Variants in LRRC37A3 observed in about 807,000 individuals in gnomAD.
LRRC37A3 encodes leucine rich repeat containing 37 member A3.
LRRC37A3 carries 25 observed loss-of-function variants against 106.2 expected under a neutral mutation model. That is an observed-to-expected ratio of 0.24 (90% CI 0.17 to 0.33). The LOEUF is 0.33. Among genes scored for constraint, LRRC37A3 ranks in the 10% least tolerant of loss-of-function variants. LRRC37A3 has a pLI of 1.00. For synonymous variants in LRRC37A3, 305 were observed against 635.8 expected, an observed-to-expected ratio of 0.48 and a Z score of 7.83; for missense variants, 712 against 1,644.9, an observed-to-expected ratio of 0.43 and a Z score of 9.81.
chr17:64,881,527 A>C (rs1370035273), intron 8 of LRRC37A3, among the ~76,000 whole-genome samples: 2 of 129,724 alleles, frequency 1.5e-5, no homozygotes, highest in Non-Finnish European at 3.2e-5. Context: ...AGATTACAGC[A>C]TGAGACACCA....
chr17:64,869,351 T>C (rs1295077284), intron 8 of LRRC37A3, among the ~76,000 whole-genome samples, 185 bp from the exon 9 acceptor site: 2 of 151,778 alleles, frequency 1.3e-5, no homozygotes, highest in African/African-American at 4.9e-5. Flanking sequence ...CCGAGGTCTC[T>C]AGAAGATAAA....
chr17:64,910,921 C>T (rs1469533519), intron 2 of LRRC37A3, among the ~76,000 whole-genome samples: 3 of 151,300 alleles, frequency 2.0e-5, no homozygotes, highest in African/African-American at 4.9e-5. Context: ...GGATTACAGG[C>T]GTGAGCCACC....
In LRRC37A3 at chr17:64,918,986, C is replaced by G. The variant is rs1186027425; in HGVS notation, c.-616-116G>C. 6 of 1,207,846 alleles carry G rather than the reference C, an allele frequency of 5.0e-6. No individual in the cohort carries two copies. In the East Asian group the frequency reaches 9.8e-5, roughly 20 times the overall value. The allele number at this position is 1,207,846 out of a possible 1,614,324, so 74.8% of individuals were successfully genotyped here. A position where few individuals can be genotyped will look rare whatever the true frequency, so the allele number is the denominator to read the frequency against. On this transcript the variant is annotated intron_variant, in intron 1 of 14. Transcript: ENST00000584306. ...CCGGGCCAGGTGGCTGCCCCCGCCT[C>G]CCCCCGGCCGGGGCGCTGGTGCTGG...
At chr17:64,870,062 C>T (rs939751487) in intron 8 of LRRC37A3, among the ~76,000 whole-genome samples, 105 of 148,814 alleles carry the variant, frequency 7.1e-4, no homozygotes, top group Non-Finnish European at 1.4e-3. Flanking sequence ...GGACTATGAG[C>T]GCTTTGAGGG....
At chr17:64,900,067 GCT>G (rs1440998412) in intron 2 of LRRC37A3, 2 of 149,384 alleles carry the variant, frequency 1.3e-5, no homozygotes, top group African/African-American at 2.5e-5. Flanking sequence ...AGAGTGTCTT[GCT>G]CTGTCACCCA....
chr17:64,863,154 C>A, intron 10 of LRRC37A3, 136 bp from the exon 11 acceptor site: 1 of 1,180,750 alleles, frequency 8.5e-7, no homozygotes, highest in South Asian at 1.3e-5. Flanking sequence ...GGGTAGGAAC[C>A]AGAAGGCCAA....
intron 8 of LRRC37A3, among the ~76,000 whole-genome samples, chr17:64,878,595 A>G (rs1304502222): frequency 1.3e-5 from 2 of 152,264 alleles, no homozygotes; most frequent in East Asian, 3.8e-4. Context: ...AATGTCTTAA[A>G]TCATTAGGGA....
At chr17:64,884,596 C>T (rs1157118964) in intron 8 of LRRC37A3, among the ~76,000 whole-genome samples, 1 of 148,288 alleles carries the variant, frequency 6.7e-6, no homozygotes, top group Non-Finnish European at 1.5e-5. Flanking sequence ...AACTCCTGAC[C>T]TCAGGTGATC....
chr17:64,872,639 T>A (rs1973361691), intron 8 of LRRC37A3, among the ~76,000 whole-genome samples: 1 of 151,958 alleles, frequency 6.6e-6, no homozygotes, highest in Non-Finnish European at 1.5e-5. Context: ...TGAATAACAG[T>A]TTGGGGGAAA....
intron 13 of LRRC37A3, among the ~76,000 whole-genome samples, chr17:64,858,160 T>A (rs1226788977): frequency 6.6e-6 from 1 of 152,182 alleles, no homozygotes; most frequent in Admixed American, 6.5e-5. Flanking sequence ...TGGTGACACA[T>A]CTCACAGAGG....
chr17:64,874,801 A>G (rs986619630), intron 8 of LRRC37A3, among the ~76,000 whole-genome samples: 24 of 152,104 alleles, frequency 1.6e-4, no homozygotes, highest in African/African-American at 5.8e-4. Flanking sequence ...CTTACCCCCA[A>G]CCCAGTGCTC....
chr17:64,875,093 A>T (rs986727214), intron 8 of LRRC37A3, among the ~76,000 whole-genome samples: 3 of 151,972 alleles, frequency 2.0e-5, no homozygotes, highest in African/African-American at 4.8e-5. Context: ...AATGATCAAT[A>T]AAAAAAATTA....
chr17:64,861,033 C>G, intron 11 of LRRC37A3, 60 bp from the exon 12 acceptor site: 1 of 1,610,434 alleles, frequency 6.2e-7, no homozygotes, highest in Admixed American at 1.7e-5. Flanking sequence ...ATGCATCAGT[C>G]CATAGCTGTA....
chr17:64,917,869 G>C (rs1260242784), intron 2 of LRRC37A3, among the ~76,000 whole-genome samples: 2 of 147,442 alleles, frequency 1.4e-5, no homozygotes, highest in Non-Finnish European at 2.9e-5. Flanking sequence ...TCAGGAGGCT[G>C]AGACAGGAGA....
chr17:64,919,057 C>T (rs1040922976), intron 1 of LRRC37A3, among the ~76,000 whole-genome samples, 187 bp from the exon 2 acceptor site: 10 of 150,074 alleles, frequency 6.7e-5, no homozygotes, highest in East Asian at 2.0e-4. Flanking sequence ...ACTGCTGCCC[C>T]CCCTGGGCGA....
Position 64,860,832 on chromosome 17 carries a change from C to T in LRRC37A3, c.3314G>A (p.Ser1105Asn), listed in dbSNP as rs1972844333. Residue 1105 changes from serine (S) to asparagine (N), a missense_variant, in exon 12 of 15, where the codon AGT (serine) becomes AAT (asparagine). Coordinates refer to ENST00000584306, the MANE Select transcript of LRRC37A3 (RefSeq NM_199340.5). ...SSGINLSGFG[S>N]EQLDTNDESD... is the part of the protein sequence containing the mutation. ...CTCGTCATTGGTGTCTAGCTGCTCA[C>T]TCCCAAAGCCTGACAAGTTGATGCC... 6.2e-7 allele frequency: 1 copy of T among 1,614,226 alleles called. No individual in the cohort carries two copies. Among genetic ancestry groups the T allele is most frequent in the South Asian group, 1.1e-5 (1 of 91,090 alleles).
chr17:64,913,084 A>G (rs958578328), intron 2 of LRRC37A3, among the ~76,000 whole-genome samples: 10 of 149,842 alleles, frequency 6.7e-5, no homozygotes, highest in Non-Finnish European at 1.3e-4. Context: ...GCTAGAGTGC[A>G]ATGGCATGAT....
intron 2 of LRRC37A3, chr17:64,909,825 G>A (rs1974545052): frequency 6.6e-6 from 1 of 152,116 alleles, no homozygotes; most frequent in African/African-American, 2.4e-5. Context: ...GAAAAATGGA[G>A]AACCAAAGAA....
At chr17:64,872,370 T>A (rs1265667177) in intron 8 of LRRC37A3, among the ~76,000 whole-genome samples, 1 of 152,150 alleles carries the variant, frequency 6.6e-6, no homozygotes, top group Non-Finnish European at 1.5e-5. Context: ...CCTCACTCTC[T>A]AGCTCAGTAG....
Sources: gnomAD v4.1 joint callset for allele counts (sites outside exome capture counted in the v4.1 genomes callset) on GRCh38, gnomAD v4.1.1 for gene constraint, MANE v1.5 for transcripts, NCBI Gene and HGNC (gene_info 2026-07-23, HGNC 2026-07-21) for gene names.